The following CTNND2 variants were observed in gnomAD, a reference collection of about 807,000 sequenced individuals.
The protein encoded by CTNND2 is catenin delta-2.
Under a neutral mutation model 144.4 loss-of-function variants are expected in CTNND2, and 22 were observed. The observed-to-expected ratio is 0.15, with a 90% CI of 0.11 to 0.22. The LOEUF (loss-of-function observed/expected upper bound fraction) is 0.22. Among genes scored for constraint, CTNND2 ranks in the 10% least tolerant of loss-of-function variants. The probability of loss-of-function intolerance (pLI) is 1.00; values close to 1 mark genes in which losing one functional copy is unlikely to be tolerated. For missense variants in CTNND2, 1,353 were observed against 1,618.8 expected (o/e 0.84, Z 2.82); for synonymous variants, 751 against 695.6 (o/e 1.08, Z -1.25).
At chr5:11,190,834 GA>G (rs61751804) in intron 11 of CTNND2, among the ~76,000 whole-genome samples, 2,234 of 152,266 alleles carry the variant, frequency 0.015, 46 homozygotes, top group Admixed American at 0.049. Flanking sequence ...CTAGAATCTA[GA>G]AGAGAATGGT....
chr5:11,465,869 AAG>A (rs1163925612), intron 3 of CTNND2, among the ~76,000 whole-genome samples: 1 of 152,206 alleles, frequency 6.6e-6, no homozygotes, highest in Non-Finnish European at 1.5e-5. Flanking sequence ...AATGCAGTTG[AAG>A]ACAACAGTCA....
chr5:11,824,687 T>C (rs1343250210), intron 1 of CTNND2, among the ~76,000 whole-genome samples: 2 of 151,936 alleles, frequency 1.3e-5, no homozygotes, highest in African/African-American at 2.4e-5. Flanking sequence ...AGAGGATAGG[T>C]TCTGTAAAAC....
chr5:11,894,395 C>T (rs746671349), intron 1 of CTNND2, among the ~76,000 whole-genome samples: 3 of 152,134 alleles, frequency 2.0e-5, no homozygotes, highest in African/African-American at 7.2e-5. Flanking sequence ...ATTACTTCTA[C>T]GGATGGATAA....
intron 1 of CTNND2, among the ~76,000 whole-genome samples, chr5:11,824,860 G>C (rs1225619825): frequency 6.6e-6 from 1 of 152,142 alleles, no homozygotes; most frequent in Admixed American, 6.5e-5. Context: ...ACAGAAGCCT[G>C]AACAATTCTG....
chr5:11,435,431 C>T (rs115589345), intron 3 of CTNND2, among the ~76,000 whole-genome samples: 3,188 of 152,076 alleles, frequency 0.021, 112 homozygotes, highest in African/African-American at 0.07. Flanking sequence ...CCTGAGCCAC[C>T]GCGCCCCGCC....
At chr5:11,036,830 A>T (rs1744127138) in intron 16 of CTNND2, among the ~76,000 whole-genome samples, 1 of 152,210 alleles carries the variant, frequency 6.6e-6, no homozygotes. Flanking sequence ...TATGTTCAGC[A>T]TTTCGTAGAT....
intron 2 of CTNND2, among the ~76,000 whole-genome samples, chr5:11,603,732 A>C (rs937373908): frequency 6.6e-6 from 1 of 152,222 alleles, no homozygotes; most frequent in Non-Finnish European, 1.5e-5. Flanking sequence ...ACAAATTACT[A>C]GAAGAATCTC....
At chr5:11,724,269 A>G (rs1429412503) in intron 2 of CTNND2, among the ~76,000 whole-genome samples, 1 of 152,112 alleles carries the variant, frequency 6.6e-6, no homozygotes, top group Admixed American at 6.5e-5. Context: ...AAATCACTGC[A>G]GCATTATTCA....
Position 11,346,567 on chromosome 5 carries a change from G to C in CTNND2, c.1433C>G (p.Pro478Arg), listed in dbSNP as rs1183701576. The C allele has an allele frequency of 5.0e-6, 8 of 1,600,266 alleles. No individual in the cohort carries two copies. The highest frequency in any genetic ancestry group is 6.8e-6 in the Non-Finnish European group (8 of 1,173,446). Residue 478 changes from proline (P) to arginine (R), a missense_variant, in exon 9 of 22, where the codon CCA (proline) becomes CGA (arginine). By Grantham distance (103) the Pro-to-Arg change is moderately radical. Coordinates refer to ENST00000304623, the MANE Select transcript of CTNND2 (RefSeq NM_001332.4). ...PLQRTGSQHG[P>R]QNAAAATFQR... is the part of the protein sequence containing the mutation. The stretch of plus-strand genomic sequence containing the variant: ...GAAGGTGGCCGCGGCGGCATTCTGT[G>C]GGCCGTGCTGGCTGCCTGTGCGCTG...
At chr5:11,258,283 C>A (rs1489066021) in intron 9 of CTNND2, among the ~76,000 whole-genome samples, 1 of 152,218 alleles carries the variant, frequency 6.6e-6, no homozygotes, top group Non-Finnish European at 1.5e-5. Flanking sequence ...GGAGAGCTGA[C>A]CAGGCCCAAA....
chr5:11,719,744 A>G (rs944304444), intron 2 of CTNND2, among the ~76,000 whole-genome samples: 1 of 151,956 alleles, frequency 6.6e-6, no homozygotes, highest in African/African-American at 2.4e-5. Flanking sequence ...TAAGTCCCTC[A>G]CAGATATTCA....
intron 9 of CTNND2, among the ~76,000 whole-genome samples, chr5:11,277,525 T>C (rs532563103): frequency 4.1e-4 from 61 of 149,330 alleles, no homozygotes; most frequent in Non-Finnish European, 5.5e-4. Flanking sequence ...TTTATTTATT[T>C]ATTTATTTAT....
At chr5:11,195,606 C>T (rs899403205) in intron 11 of CTNND2, among the ~76,000 whole-genome samples, 7 of 152,224 alleles carry the variant, frequency 4.6e-5, no homozygotes, top group African/African-American at 9.6e-5. Context: ...AAGCATCAGA[C>T]GGATGGACAC....
intron 2 of CTNND2, among the ~76,000 whole-genome samples, chr5:11,636,392 T>C (rs1017539442): frequency 6.6e-6 from 1 of 152,194 alleles, no homozygotes; most frequent in African/African-American, 2.4e-5. Flanking sequence ...TACAGCGCTT[T>C]GTTATACCTA....
At chr5:11,865,657 A>G (rs1049418314) in intron 1 of CTNND2, among the ~76,000 whole-genome samples, 1 of 152,168 alleles carries the variant, frequency 6.6e-6, no homozygotes, top group Non-Finnish European at 1.5e-5. Context: ...TCAACACAAA[A>G]GAGAACTAAG....
intron 10 of CTNND2, among the ~76,000 whole-genome samples, chr5:11,220,549 C>T (rs868163265): frequency 6.6e-6 from 1 of 152,136 alleles, no homozygotes; most frequent in African/African-American, 2.4e-5. Flanking sequence ...TCCCTGGACC[C>T]CTGCCCAGAC....
At chr5:11,200,191 G>A (rs990366321) in intron 10 of CTNND2, among the ~76,000 whole-genome samples, 6 of 152,124 alleles carry the variant, frequency 3.9e-5, no homozygotes, top group Admixed American at 6.5e-5. Context: ...AAATAAGAAC[G>A]TCTCTTACAT....
At chr5:11,137,366 G>A (rs1756270775) in intron 12 of CTNND2, among the ~76,000 whole-genome samples, 1 of 152,144 alleles carries the variant, frequency 6.6e-6, no homozygotes, top group African/African-American at 2.4e-5. Context: ...TCAAGAAGCT[G>A]TATCTAGTCG....
intron 12 of CTNND2, among the ~76,000 whole-genome samples, chr5:11,152,912 C>T (rs1253556083): frequency 6.6e-6 from 1 of 152,090 alleles, no homozygotes; most frequent in African/African-American, 2.4e-5. Flanking sequence ...AGTGGTGTGT[C>T]TCATCTGTTC....
Sources: allele counts gnomAD v4.1 joint callset (sites outside exome capture counted in the v4.1 genomes callset), GRCh38; gene constraint gnomAD v4.1.1; transcripts MANE v1.5; gene names NCBI Gene and HGNC (gene_info 2026-07-23, HGNC 2026-07-21).